The following MAP1LC3B2 variants were observed in gnomAD, a reference collection of about 807,000 sequenced individuals.
The protein encoded by MAP1LC3B2 is microtubule-associated protein 1 light chain 3 beta 2.
For missense variants in MAP1LC3B2, 155 were observed against 154.6 expected (o/e 1.00, Z -0.01); for synonymous variants, 62 against 57.8 (o/e 1.07, Z -0.33).
chr12:116,576,203 C>T lies in MAP1LC3B2; in HGVS notation c.261C>T (p.Ser87=), dbSNP rs780957672. 6.2e-7 allele frequency: 1 copy of T among 1,613,974 alleles called. No homozygotes were observed. Among genetic ancestry groups the T allele is most frequent in the Non-Finnish European group, 8.5e-7 (1 of 1,180,002 alleles). The change falls in exon 2 of 2, where the codon AGC becomes AGT. Residue 87 remains serine, a synonymous_variant. Transcript: ENST00000556529. ...TCTTCCTGTTGGTGAACGGACACAGCATGGTCAGCGTCTCCACACCAATCT... is the reference window on the plus strand; with the variant it reads ...TCTTCCTGTTGGTGAACGGACACAGTATGGTCAGCGTCTCCACACCAATCT... ...QAFFLLVNGH[S]MVSVSTPISE...
At chr12:116,561,615 A>G (rs1869273755) in intron 1 of MAP1LC3B2, among the ~76,000 whole-genome samples, 2 of 152,116 alleles carry the variant, frequency 1.3e-5, no homozygotes, top group East Asian at 1.9e-4. Flanking sequence ...GGTTGTAGAT[A>G]AGTCTTGGCC....
rs955616983 is a variant in MAP1LC3B2, at chr12:116,562,947, A to G, written c.-102+3514A>G. ...ACCCTGTATTATTTTTGCTCAGCCC[A>G]AACAAGAACTTTATTTTATTTTATT... On this transcript the variant is annotated intron_variant, in intron 1 of 1. Coordinates refer to ENST00000556529, the MANE Select transcript of MAP1LC3B2 (RefSeq NM_001085481.3). Among the ~76,000 whole-genome samples the G allele has an allele frequency of 5.3e-5, 8 of 152,126 alleles. No individual in the cohort carries two copies. The South Asian group carries it at 1.7e-3, about 32-fold the overall frequency.
At chr12:116,567,826 C>T (rs900768018) in intron 1 of MAP1LC3B2, among the ~76,000 whole-genome samples, 1 of 151,860 alleles carries the variant, frequency 6.6e-6, no homozygotes, top group African/African-American at 2.4e-5. Flanking sequence ...GAAAATGGAA[C>T]CCAAAACACT....
At chr12:116,575,754 C>T in intron 1 of MAP1LC3B2, 88 bp from the exon 2 acceptor site, 1 of 657,390 alleles carries the variant, frequency 1.5e-6, no homozygotes, top group Non-Finnish European at 2.6e-6. Context: ...TGTAAAAGAA[C>T]AGATAGTAAA....
At chr12:116,560,872 C>T (rs1869255434) in intron 1 of MAP1LC3B2, among the ~76,000 whole-genome samples, 2 of 151,624 alleles carry the variant, frequency 1.3e-5, no homozygotes, top group African/African-American at 4.8e-5. Context: ...ATCCCAGCAC[C>T]TTGGGAGTCC....
intron 1 of MAP1LC3B2, among the ~76,000 whole-genome samples, chr12:116,574,940 C>T (rs918316235): frequency 1.3e-5 from 2 of 151,786 alleles, no homozygotes; most frequent in South Asian, 2.1e-4. Flanking sequence ...CAGTGGCTCA[C>T]GTCTGTGATC....
At chr12:116,560,598 CA>C (rs1566022684) in intron 1 of MAP1LC3B2, among the ~76,000 whole-genome samples, 1 of 151,632 alleles carries the variant, frequency 6.6e-6, no homozygotes, top group Non-Finnish European at 1.5e-5. Context: ...ACACCTCCAC[CA>C]AAAAAAGAAA....
In MAP1LC3B2 at chr12:116,575,947, C is replaced by A; in HGVS notation, c.5C>A (p.Pro2Gln). Residue 2 changes from proline (P) to glutamine (Q), a missense_variant, in exon 2 of 2, where the codon CCG (proline) becomes CAG (glutamine). Physicochemically the swap from Pro to Gln is moderately conservative, Grantham distance 76 (BLOSUM62 -1). Coordinates refer to ENST00000556529, the MANE Select transcript of MAP1LC3B2 (RefSeq NM_001085481.3). ...CGCGGCCCAGATCCCCACACCATGC[C>A]GTCGGAGAAGACCTTCAAGCAGCGG... MPSEKTFKQRRT... is the reference protein window; with the variant it reads MQSEKTFKQRRT... 6.2e-7 allele frequency: 1 copy of A among 1,614,172 alleles called. No homozygotes were observed. Among genetic ancestry groups the A allele is most frequent in the East Asian group, 2.2e-5 (1 of 44,874 alleles).
At chr12:116,573,508 T>C (rs1373245478) in intron 1 of MAP1LC3B2, among the ~76,000 whole-genome samples, 1 of 152,130 alleles carries the variant, frequency 6.6e-6, no homozygotes, top group Non-Finnish European at 1.5e-5. Flanking sequence ...GTCTTCCTTT[T>C]TCTTTTTCTT....
At chr12:116,562,241 T>C (rs1450408766) in intron 1 of MAP1LC3B2, among the ~76,000 whole-genome samples, 1 of 151,812 alleles carries the variant, frequency 6.6e-6, no homozygotes, top group South Asian at 2.1e-4. Context: ...AGTGGGAGAG[T>C]CCTGACAACA....
At chr12:116,560,821 T>A (rs140619882) in intron 1 of MAP1LC3B2, among the ~76,000 whole-genome samples, 5 of 144,482 alleles carry the variant, frequency 3.5e-5, no homozygotes, top group South Asian at 4.4e-4. Flanking sequence ...ACAAATAGTT[T>A]AAAAAAAAAA....
chr12:116,570,558 T>C (rs1367609583), intron 1 of MAP1LC3B2, among the ~76,000 whole-genome samples: 1 of 152,220 alleles, frequency 6.6e-6, no homozygotes, highest in Non-Finnish European at 1.5e-5. Flanking sequence ...TCCCCCATAC[T>C]GTTCTGGTGG....
At chr12:116,572,707 C>T (rs1869569540) in intron 1 of MAP1LC3B2, among the ~76,000 whole-genome samples, 1 of 152,224 alleles carries the variant, frequency 6.6e-6, no homozygotes, top group African/African-American at 2.4e-5. Context: ...ATCCCAGAGT[C>T]TTTTCTTCAC....
intron 1 of MAP1LC3B2, among the ~76,000 whole-genome samples, chr12:116,564,056 T>TGTATTTTTTATCTC (rs1869332506): frequency 6.6e-6 from 1 of 152,226 alleles, no homozygotes; most frequent in African/African-American, 2.4e-5. Flanking sequence ...ATTTTTATTT[T>TGTATTTTTTATCTC]AGATATTGTA....
At chr12:116,569,827 G>A (rs1869484088) in intron 1 of MAP1LC3B2, among the ~76,000 whole-genome samples, 1 of 152,066 alleles carries the variant, frequency 6.6e-6, no homozygotes, top group Non-Finnish European at 1.5e-5. Context: ...AGGCCTAGGT[G>A]GGCAGATCAC....
intron 1 of MAP1LC3B2, among the ~76,000 whole-genome samples, chr12:116,572,298 G>A (rs1460814007): frequency 6.6e-6 from 1 of 151,948 alleles, no homozygotes; most frequent in African/African-American, 2.4e-5. Context: ...CCTGTCTCCT[G>A]GTACACTAAC....
At chr12:116,574,075 G>A (rs997050103) in intron 1 of MAP1LC3B2, among the ~76,000 whole-genome samples, 1 of 152,064 alleles carries the variant, frequency 6.6e-6, no homozygotes, top group Non-Finnish European at 1.5e-5. Flanking sequence ...AACACCATTG[G>A]GGGAGGTCTG....
rs149785304 is a variant in MAP1LC3B2 at position 116,573,116 on chromosome 12, G to C, written c.-101-2726G>C. 3.0e-3 allele frequency among the ~76,000 whole-genome samples: 457 copies of C among 152,256 alleles called. 3 individuals carry two copies. Among genetic ancestry groups the C allele is most frequent in the African/African-American group, 0.01 (435 of 41,550 alleles). ...TTTTTGTAGTTTTATTAGAGACAGC[G>C]TTTCACCACGTTGTCCAGGCTGTTC... On this transcript the variant is annotated intron_variant, in intron 1 of 1. Coordinates refer to ENST00000556529, the MANE Select transcript of MAP1LC3B2 (RefSeq NM_001085481.3).
intron 1 of MAP1LC3B2, among the ~76,000 whole-genome samples, chr12:116,573,407 T>C (rs1869590788): frequency 6.6e-6 from 1 of 152,160 alleles, no homozygotes; most frequent in Admixed American, 6.5e-5. Context: ...GGGCAGAAAT[T>C]TAATTATTTT....
Sources: gnomAD v4.1 joint callset for allele counts (sites outside exome capture counted in the v4.1 genomes callset) on GRCh38, gnomAD v4.1.1 for gene constraint, MANE v1.5 for transcripts, NCBI Gene and HGNC (gene_info 2026-07-23, HGNC 2026-07-21) for gene names.